Variants in NTN1 observed in about 807,000 individuals in gnomAD.
The protein encoded by NTN1 is netrin 1.
NTN1 carries 11 observed loss-of-function variants against 54.2 expected under a neutral mutation model. The ratio of observed to expected loss-of-function variants is 0.20; its 90% CI spans 0.13 to 0.34. NTN1 has a LOEUF of 0.34. NTN1 is among the 10% of genes least tolerant of loss of function. NTN1 has a pLI of 1.00. For synonymous variants in NTN1, 371 were observed against 382.0 expected (o/e 0.97, Z 0.33); for missense variants, 740 against 893.1 (o/e 0.83, Z 2.18).
Position 9,038,265 on chromosome 17 carries a change from C to CTCACACACACACACACACACACA in NTN1, c.1018+14874_1018+14875insTCACACACACACACACACACACA, listed in dbSNP as rs55982115. On this transcript the variant is annotated intron_variant, in intron 2 of 6. Coordinates refer to ENST00000173229, the MANE Select transcript of NTN1 (RefSeq NM_004822.3). ...TGTCTTCTCCTCTCTTTCTCTCTCT[C>CTCACACACACACACACACACACA]CACACACACACACACCTGAGATCAC... 3.3e-4 allele frequency among the ~76,000 whole-genome samples: 48 copies of CTCACACACACACACACACACACA among 144,178 alleles called. 1 individual carries two copies. Among genetic ancestry groups the CTCACACACACACACACACACACA allele is most frequent in the African/African-American group, 9.3e-4 (35 of 37,728 alleles). 94.6% of individuals were successfully genotyped at this position (144,178 alleles called of 152,430 possible). A position where few individuals can be genotyped will look rare whatever the true frequency, so the allele number is the denominator to read the frequency against.
At chr17:9,195,235 G>A (rs2142331829) in intron 5 of NTN1, among the ~76,000 whole-genome samples, 1 of 94,092 alleles carries the variant, frequency 1.1e-5, no homozygotes, top group Admixed American at 1.4e-4. Flanking sequence ...TCACCCCAAG[G>A]AGCACAGAGA....
chr17:9,239,994 G>GGCGGGCGC lies in NTN1; in HGVS notation c.*27_*34dup, dbSNP rs1254371127. ...CGCCGAGGCAGCGGGCGGGCGGGCGGGCGGGCGCCAGGGCGGGGCCGAGCG... is the reference window on the plus strand; with the variant it reads ...CGCCGAGGCAGCGGGCGGGCGGGCGGGCGGGCGCGCGGGCGCCAGGGCGGGGCCGAGCG... On this transcript the variant is annotated 3_prime_UTR_variant, in exon 7 of 7. Coordinates refer to ENST00000173229, the MANE Select transcript of NTN1 (RefSeq NM_004822.3). The surrounding 1 kb of genome is among the most constrained non-coding windows in gnomAD (Gnocchi z 5.2). 2 of 221,064 alleles carry GGCGGGCGC rather than the reference G, an allele frequency of 9.0e-6. No individual in the cohort carries two copies. The highest frequency in any genetic ancestry group is 4.2e-5 in the South Asian group (1 of 23,976). 13.7% of individuals were successfully genotyped at this position (221,064 alleles called of 1,614,324 possible).
At chr17:9,077,192 T>C (rs2142221089) in intron 2 of NTN1, among the ~76,000 whole-genome samples, 1 of 151,894 alleles carries the variant, frequency 6.6e-6, no homozygotes, top group South Asian at 2.1e-4. Flanking sequence ...AATTCTCCAG[T>C]TGGGAATGGA....
chr17:9,170,404 C>T (rs1287140703), intron 3 of NTN1, among the ~76,000 whole-genome samples: 1 of 152,216 alleles, frequency 6.6e-6, no homozygotes, highest in Non-Finnish European at 1.5e-5. Context: ...CTTTGACCCT[C>T]TGGTTGCTTT....
chr17:9,145,895 C>T (rs1414319912), intron 2 of NTN1, among the ~76,000 whole-genome samples: 12 of 124,610 alleles, frequency 9.6e-5, no homozygotes, highest in African/African-American at 2.6e-4. Context: ...CCAGCCTGGG[C>T]GACAGAGCAA....
chr17:9,059,498 A>C (rs920644398), intron 2 of NTN1, among the ~76,000 whole-genome samples: 7 of 152,234 alleles, frequency 4.6e-5, no homozygotes, highest in African/African-American at 1.7e-4. Flanking sequence ...AAAGGGAATG[A>C]AGTACAACTT....
intron 2 of NTN1, among the ~76,000 whole-genome samples, chr17:9,137,531 G>A (rs1242216388): frequency 6.6e-6 from 1 of 152,206 alleles, no homozygotes. Flanking sequence ...AATGGCTCAC[G>A]CCTGTAATCC....
chr17:9,079,986 C>T (rs903848623), intron 2 of NTN1, among the ~76,000 whole-genome samples: 1 of 149,178 alleles, frequency 6.7e-6, no homozygotes, highest in South Asian at 2.1e-4. Context: ...TCCTGGCCCC[C>T]GAGGAAGTGG....
At chr17:9,068,022 A>G (rs1056865721) in intron 2 of NTN1, among the ~76,000 whole-genome samples, 4 of 152,196 alleles carry the variant, frequency 2.6e-5, no homozygotes, top group Admixed American at 6.5e-5. Flanking sequence ...CAGCCTGAGC[A>G]ACATAGAGCA....
At chr17:9,155,107 G>A (rs991954002) in intron 2 of NTN1, among the ~76,000 whole-genome samples, 3 of 152,196 alleles carry the variant, frequency 2.0e-5, no homozygotes, top group African/African-American at 7.2e-5. Flanking sequence ...TTGTTCCAGA[G>A]AGGTCCAGAA....
At chr17:9,006,092 G>A in the NTN1 span, among the ~76,000 whole-genome samples, 3 of 151,562 alleles carry the variant, frequency 2.0e-5, no homozygotes, top group African/African-American at 7.3e-5. Context: ...GTTTGGAGGT[G>A]TGAAGTGGGC....
chr17:9,127,051 G>A (rs189808115), intron 2 of NTN1, among the ~76,000 whole-genome samples: 148 of 140,222 alleles, frequency 1.1e-3, no homozygotes, highest in African/African-American at 3.5e-3. Context: ...CAGTGGGCAG[G>A]AGTGAGATTG....
chr17:9,193,246 C>G (rs1904517630), intron 5 of NTN1, among the ~76,000 whole-genome samples: 1 of 152,052 alleles, frequency 6.6e-6, no homozygotes, highest in Non-Finnish European at 1.5e-5. Flanking sequence ...CCAATTTGTA[C>G]TATACATTAG....
In NTN1 at chr17:9,239,301, C is replaced by T. The variant is rs1208198304; in HGVS notation, c.1487-339C>T. Among the ~76,000 whole-genome samples the T allele has an allele frequency of 6.6e-6, 1 of 152,188 alleles. No individual in the cohort carries two copies. The highest frequency in any genetic ancestry group is 1.5e-5 in the Non-Finnish European group (1 of 68,030). On this transcript the variant is annotated intron_variant, in intron 6 of 6. Transcript: ENST00000173229. This position sits in a 1 kb window ranked among gnomAD's most constrained non-coding sequence, Gnocchi z 5.2. ...CCCGCCAGCACTGCTCTCACCCGAGCGCCTGCCCTGGGCAGACAGCTTGCC... is the reference window on the plus strand; with the variant it reads ...CCCGCCAGCACTGCTCTCACCCGAGTGCCTGCCCTGGGCAGACAGCTTGCC...
intron 2 of NTN1, among the ~76,000 whole-genome samples, chr17:9,052,632 G>T (rs1289535845): frequency 6.6e-6 from 1 of 152,214 alleles, no homozygotes; most frequent in Non-Finnish European, 1.5e-5. Context: ...TAAGTCTAGA[G>T]CTGGGTTTAG....
rs185380121 is a variant in NTN1, at chr17:9,234,351, A to C, written c.1487-5289A>C. Among the ~76,000 whole-genome samples, 346 of 152,300 alleles carry C rather than the reference A, an allele frequency of 2.3e-3. 8 individuals carry two copies. The South Asian group carries it at 0.024, about 10-fold the overall frequency. ...CGAGCTCTGTGGCTGGTTGCAGGAA[A>C]GGAGGGTTTACTGCACAGACGAGGG... On this transcript the variant is annotated intron_variant, in intron 6 of 6. Transcript: ENST00000173229.
intron 2 of NTN1, among the ~76,000 whole-genome samples, chr17:9,047,504 T>C (rs1268158280): frequency 6.6e-6 from 1 of 152,212 alleles, no homozygotes; most frequent in Admixed American, 6.5e-5. Context: ...GGTTTTATCA[T>C]GAGATTGGAG....
intron 2 of NTN1, among the ~76,000 whole-genome samples, chr17:9,082,322 A>G (rs1035028589): frequency 6.6e-6 from 1 of 152,178 alleles, no homozygotes; most frequent in African/African-American, 2.4e-5. Flanking sequence ...CAGCCTCCCA[A>G]AGTGCTGGGA....
At chr17:9,189,656 A>T (rs1904398755) in intron 5 of NTN1, among the ~76,000 whole-genome samples, 1 of 151,860 alleles carries the variant, frequency 6.6e-6, no homozygotes, top group South Asian at 2.1e-4. Flanking sequence ...AGCCAAAGTT[A>T]TGTTGTTTGG....
Sources: gnomAD v4.1 joint callset for allele counts (sites outside exome capture counted in the v4.1 genomes callset) on GRCh38, gnomAD v4.1.1 for gene constraint, Gnocchi (gnomAD v3.1) non-coding constraint, MANE v1.5 for transcripts, NCBI Gene and HGNC (gene_info 2026-07-23, HGNC 2026-07-21) for gene names.